Variants in CNTLN observed in about 807,000 individuals in gnomAD.
CNTLN encodes the protein centlein.
In CNTLN, 212 loss-of-function variants were observed where a neutral mutation model predicts 180.0. The observed-to-expected ratio is 1.18, with a 90% confidence interval of 1.05 to 1.32. The LOEUF (loss-of-function observed/expected upper bound fraction) is 1.32. CNTLN is among the 40% of genes most tolerant of loss of function. The pLI, the probability that CNTLN is intolerant of heterozygous loss-of-function variation, is 0.00. For missense variants in CNTLN, 2,095 were observed against 1,610.9 expected (o/e 1.30, Z -5.14); for synonymous variants, 722 against 563.1 (o/e 1.28, Z -3.99).
intron 7 of CNTLN, chr9:17,301,912 A>G: frequency 4.3e-6 from 4 of 928,506 alleles, no homozygotes; most frequent in Non-Finnish European, 5.1e-6. Flanking sequence ...TTTCACTTTA[A>G]CATTATATTT....
intron 2 of CNTLN, among the ~76,000 whole-genome samples, chr9:17,214,867 C>T (rs1823618400): frequency 6.6e-6 from 1 of 152,240 alleles, no homozygotes; most frequent in Non-Finnish European, 1.5e-5. Flanking sequence ...CTTGTGCATT[C>T]ATTACGTAGT....
chr9:17,496,322 G>A (rs764374960), intron 25 of CNTLN, among the ~76,000 whole-genome samples: 1 of 152,128 alleles, frequency 6.6e-6, no homozygotes, highest in Non-Finnish European at 1.5e-5. Context: ...ACATTCCTGG[G>A]GTCTGAGAAG....
rs60102156 is a variant in CNTLN at position 17,318,838 on chromosome 9, TTCCA to T, written c.1341+9624_1341+9627del. On this transcript the variant is annotated intron_variant, in intron 8 of 25. Transcript: ENST00000380647. ...GACTCACCTCTTCATCCATCCTTTATTCCATCCATCCATCCATCCATCCATCCAT... is the reference window on the plus strand; with the variant it reads ...GACTCACCTCTTCATCCATCCTTTATTCCATCCATCCATCCATCCATCCAT... Among the ~76,000 whole-genome samples the T allele has an allele frequency of 3.4e-3, 520 of 151,422 alleles. 4 individuals carry two copies. Among genetic ancestry groups the T allele is most frequent in the African/African-American group, 0.011 (453 of 41,194 alleles).
At chr9:17,470,107 G>A (rs1831975444) in intron 23 of CNTLN, among the ~76,000 whole-genome samples, 1 of 151,738 alleles carries the variant, frequency 6.6e-6, no homozygotes, top group African/African-American at 2.4e-5. Context: ...TTTTCTTTCT[G>A]TTTCAAGTAG....
At chr9:17,511,722 G>A in the CNTLN span, among the ~76,000 whole-genome samples, 7 of 151,912 alleles carry the variant, frequency 4.6e-5, no homozygotes, top group Non-Finnish European at 7.4e-5. Flanking sequence ...AGACAAGAGC[G>A]TGAATAACAA....
intron 2 of CNTLN, among the ~76,000 whole-genome samples, chr9:17,223,321 G>A (rs1384375314): frequency 6.6e-6 from 1 of 151,992 alleles, no homozygotes; most frequent in African/African-American, 2.4e-5. Flanking sequence ...ACGGTATTTG[G>A]ATGACTCCTA....
chr9:17,260,476 T>C (rs1826875146), intron 5 of CNTLN, among the ~76,000 whole-genome samples: 1 of 151,454 alleles, frequency 6.6e-6, no homozygotes, highest in Non-Finnish European at 1.5e-5. Context: ...GACAAGTGTC[T>C]GTTTATGTTC....
At chr9:17,251,922 A>G (rs1826167888) in intron 5 of CNTLN, among the ~76,000 whole-genome samples, 1 of 151,744 alleles carries the variant, frequency 6.6e-6, no homozygotes, top group Admixed American at 6.6e-5. Context: ...TATGGTATCT[A>G]TCACTGTATT....
intron 12 of CNTLN, among the ~76,000 whole-genome samples, chr9:17,343,941 G>A (rs1345066240): frequency 7.9e-5 from 12 of 152,060 alleles, no homozygotes; most frequent in Non-Finnish European, 1.6e-4. Context: ...CATTTAGTAC[G>A]TGGTCCTAGA....
At chr9:17,263,677 T>A (rs918888037) in intron 5 of CNTLN, among the ~76,000 whole-genome samples, 25 of 143,572 alleles carry the variant, frequency 1.7e-4, no homozygotes, top group Non-Finnish European at 3.3e-4. Context: ...AAAGTGTTCC[T>A]ATTTCTGCAC....
chr9:17,222,041 TG>T (rs1824171685), intron 2 of CNTLN, among the ~76,000 whole-genome samples: 1 of 152,088 alleles, frequency 6.6e-6, no homozygotes, highest in Non-Finnish European at 1.5e-5. Context: ...TTTTCTGTCC[TG>T]CATTATCAGT....
chr9:17,373,961 C>A (rs1824542756), intron 13 of CNTLN, among the ~76,000 whole-genome samples: 1 of 152,136 alleles, frequency 6.6e-6, no homozygotes, highest in Non-Finnish European at 1.5e-5. Flanking sequence ...ATACAAAAAT[C>A]AAACACAATG....
At chr9:17,273,236 T>C (rs1828070835) in intron 5 of CNTLN, among the ~76,000 whole-genome samples, 1 of 152,118 alleles carries the variant, frequency 6.6e-6, no homozygotes, top group African/African-American at 2.4e-5. Context: ...TTTAGGTAAA[T>C]TTCACCACAG....
chr9:17,306,007 G>C (rs1048566276), intron 7 of CNTLN, among the ~76,000 whole-genome samples: 1 of 152,148 alleles, frequency 6.6e-6, no homozygotes, highest in East Asian at 1.9e-4. Flanking sequence ...GCAAGACATA[G>C]AGTTTTTCCC....
intron 2 of CNTLN, among the ~76,000 whole-genome samples, chr9:17,185,771 TTGTGTGTGTGTGTGTG>T (rs371473319): frequency 2.8e-5 from 4 of 143,636 alleles, no homozygotes; most frequent in Non-Finnish European, 6.1e-5. Flanking sequence ...TGTTTCCCAT[TTGTGTGTGTGTGTGTG>T]TGTGTGTGTG....
At chr9:17,510,904 G>A in the CNTLN span, among the ~76,000 whole-genome samples, 1 of 152,156 alleles carries the variant, frequency 6.6e-6, no homozygotes, top group East Asian at 1.9e-4. Context: ...AAATATGATT[G>A]CTGGGTCATA....
chr9:17,503,858 G>A lies in CNTLN; in HGVS notation c.*1206G>A, dbSNP rs1833869146. 2 of 152,556 alleles carry A rather than the reference G, an allele frequency of 1.3e-5. No individual in the cohort carries two copies. 9.5% of individuals were successfully genotyped at this position (152,556 alleles called of 1,614,324 possible). A position where few individuals can be genotyped will look rare whatever the true frequency, so the allele number is the denominator to read the frequency against. On this transcript the variant is annotated 3_prime_UTR_variant, in exon 26 of 26. Coordinates refer to ENST00000380647, the MANE Select transcript of CNTLN (RefSeq NM_017738.4). The stretch of plus-strand genomic sequence containing the variant: ...AAAATCAAAAGGAGAATAATATTTT[G>A]TAGCATGTGAAAATTATATAAAATT...
At chr9:17,512,558 A>T in the CNTLN span, among the ~76,000 whole-genome samples, 4 of 152,316 alleles carry the variant, frequency 2.6e-5, no homozygotes, top group African/African-American at 9.6e-5. Context: ...CCTGTTGCAT[A>T]CTATGTTCAC....
intron 2 of CNTLN, among the ~76,000 whole-genome samples, chr9:17,199,755 C>G (rs938864529): frequency 1.3e-5 from 2 of 151,932 alleles, no homozygotes; most frequent in Non-Finnish European, 2.9e-5. Flanking sequence ...TGTCAGATGA[C>G]TAGATTGCAA....
Sources: allele counts gnomAD v4.1 joint callset (sites outside exome capture counted in the v4.1 genomes callset), GRCh38; gene constraint gnomAD v4.1.1; transcripts MANE v1.5; gene names NCBI Gene and HGNC (gene_info 2026-07-23, HGNC 2026-07-21).